The following FTCD variants were observed in gnomAD, a reference collection of about 807,000 sequenced individuals.
FTCD encodes formimidoyltransferase-cyclodeaminase.
In FTCD, 76 loss-of-function variants were observed where a neutral mutation model predicts 62.9. The observed-to-expected ratio is 1.21, with a 90% CI of 1.00 to 1.46. The LOEUF is 1.46. FTCD is among the 40% of genes most tolerant of loss of function. The probability of loss-of-function intolerance (pLI) is 0.00; values close to 1 mark genes in which losing one functional copy is unlikely to be tolerated. For synonymous variants in FTCD, 397 were observed against 336.9 expected (o/e 1.18, Z -1.95); for missense variants, 845 against 751.3 (o/e 1.12, Z -1.46).
chr21:46,151,235 C>T (rs530864141), intron 5 of FTCD, among the ~76,000 whole-genome samples: 46 of 152,288 alleles, frequency 3.0e-4, no homozygotes, highest in African/African-American at 1.1e-3. Flanking sequence ...TGGGGGGCCC[C>T]TGAGGGCACC....
chr21:46,153,209 T>G lies in FTCD; in HGVS notation c.239-174A>C, dbSNP rs115785150. ...GGCCGGCCCTGGGCGCTCCCAGCCCTGCCCCAGCGGCAGCACCAGCCCTCC... is the reference window on the plus strand; with the variant it reads ...GGCCGGCCCTGGGCGCTCCCAGCCCGGCCCCAGCGGCAGCACCAGCCCTCC... On this transcript the variant is annotated intron_variant, in intron 2 of 13. Coordinates refer to ENST00000397746, the MANE Select transcript of FTCD (RefSeq NM_206965.2). 2.0e-5 allele frequency among the ~76,000 whole-genome samples: 3 copies of G among 152,242 alleles called. No homozygotes were observed. In the East Asian group the frequency reaches 5.8e-4, roughly 29 times the overall value.
chr21:46,138,494 C>T lies in FTCD; in HGVS notation c.1443+14G>A. 1 of 1,576,576 alleles carries T rather than the reference C, an allele frequency of 6.3e-7. No homozygotes were observed. The highest frequency in any genetic ancestry group is 8.6e-7 in the Non-Finnish European group (1 of 1,168,300). On this transcript the variant is annotated intron_variant, in intron 12 of 13. Transcript: ENST00000397746. ...TTTGCGGCAGGAGGCCTGGGGTCCCCCGGGCCCCCCTACCTGGAGGTCTGA... is the reference window on the plus strand; with the variant it reads ...TTTGCGGCAGGAGGCCTGGGGTCCCTCGGGCCCCCCTACCTGGAGGTCTGA...
chr21:46,151,932 G>A lies in FTCD; in HGVS notation c.416C>T (p.Pro139Leu), dbSNP rs867925422. Residue 139 changes from proline to leucine, a missense_variant, in exon 4 of 14, where the codon CCG becomes CTG. Pro to Leu is a moderately conservative substitution (Grantham distance 98). Transcript: ENST00000397746. ...AARMDSRRTLPAIRAGEYEAL... is the reference protein window; with the variant it reads ...AARMDSRRTLLAIRAGEYEAL... ...CTCGTACTCCCCGGCCCGGATGGCC[G>A]GCAGGGTCCGGCGACTGTCCATCCT... The A allele has an allele frequency of 3.8e-5, 60 of 1,572,606 alleles. No individual in the cohort carries two copies. Among genetic ancestry groups the A allele is most frequent in the African/African-American group, 6.8e-5 (5 of 73,980 alleles).
intron 10 of FTCD, 144 bp from the exon 11 acceptor site, chr21:46,139,067 GT>G: frequency 1.5e-6 from 1 of 684,862 alleles, no homozygotes; most frequent in Non-Finnish European, 2.7e-6. Context: ...TGGGCCAGTG[GT>G]TTATAGCCCT....
chr21:46,145,312 C>T, intron 10 of FTCD, 105 bp downstream of exon 10: 1 of 966,566 alleles, frequency 1.0e-6, no homozygotes, highest in Non-Finnish European at 1.5e-6. Context: ...CCCTCCTGGT[C>T]CCCAGCCCCT....
At chr21:46,152,490 A>C (rs1360538975) in intron 3 of FTCD, 4 of 198,492 alleles carry the variant, frequency 2.0e-5, no homozygotes, top group Non-Finnish European at 4.1e-5. Flanking sequence ...CGCTGGCGTG[A>C]CTGTGACCTA....
Position 46,151,528 on chromosome 21 carries a change from G to A in FTCD, c.636+30C>T, listed in dbSNP as rs778926274. 1.8e-5 allele frequency: 28 copies of A among 1,592,856 alleles called. No homozygotes were observed. In the South Asian group the frequency reaches 3.0e-4, roughly 17 times the overall value. Reference sequence around the variant, plus strand: ...TAACCCTTTCCCGAGGGGCTGGGTGGGGCTCCATGGGGTCAGTGAACGGGG... The same window carrying A: ...TAACCCTTTCCCGAGGGGCTGGGTGAGGCTCCATGGGGTCAGTGAACGGGG... On this transcript the variant is annotated intron_variant, in intron 5 of 13. Coordinates refer to ENST00000397746, the MANE Select transcript of FTCD (RefSeq NM_206965.2).
At chr21:46,155,427 G>T in intron 1 of FTCD, 43 bp downstream of exon 1, 1 of 1,526,874 alleles carries the variant, frequency 6.5e-7, no homozygotes, top group Non-Finnish European at 9.1e-7. Flanking sequence ...CACTCAAGCT[G>T]CCCCATCAGC....
intron 10 of FTCD, among the ~76,000 whole-genome samples, chr21:46,143,423 C>T (rs912216694): frequency 1.9e-4 from 29 of 151,698 alleles, no homozygotes; most frequent in Non-Finnish European, 3.5e-4. Flanking sequence ...GGCAAGAGAC[C>T]GAGGGCACGA....
intron 7 of FTCD, among the ~76,000 whole-genome samples, chr21:46,149,736 G>A (rs1326611256): frequency 6.6e-6 from 1 of 152,178 alleles, no homozygotes; most frequent in African/African-American, 2.4e-5. Context: ...GCCGCTCCGT[G>A]GATGGGGATC....
chr21:46,142,632 AAGC>A (rs1194673988), intron 10 of FTCD: 1 of 152,266 alleles, frequency 6.6e-6, no homozygotes, highest in African/African-American at 2.4e-5. Context: ...CCCAAAGAGT[AAGC>A]AGCAGCAAGA....
downstream of FTCD, chr21:46,136,689 T>C (rs370458024): frequency 3.3e-5 from 48 of 1,465,220 alleles, no homozygotes; most frequent in African/African-American, 5.4e-4. Flanking sequence ...CTGGCTCCCA[T>C]GGGCCACTGA....
intron 2 of FTCD, among the ~76,000 whole-genome samples, chr21:46,153,891 C>T (rs189743127): frequency 9.8e-5 from 15 of 152,296 alleles, no homozygotes; most frequent in Admixed American, 9.8e-4. Flanking sequence ...GGCCCCCTCC[C>T]CCCACCCAGC....
At chr21:46,155,346 G>T (rs116882059) in intron 1 of FTCD, 124 bp downstream of exon 1, 3 of 804,606 alleles carry the variant, frequency 3.7e-6, no homozygotes, top group African/African-American at 3.4e-5. Flanking sequence ...CACGGGCAGC[G>T]GCTCTGCCCA....
chr21:46,147,605 A>G (rs1301252042), intron 7 of FTCD, among the ~76,000 whole-genome samples: 1 of 152,138 alleles, frequency 6.6e-6, no homozygotes, highest in Non-Finnish European at 1.5e-5. Flanking sequence ...GCACAGCCAG[A>G]CCTGTGCAGG....
chr21:46,138,795 C>T (rs1307904408), intron 11 of FTCD, 85 bp downstream of exon 11: 74 of 1,434,614 alleles, frequency 5.2e-5, no homozygotes, highest in East Asian at 2.7e-4. Flanking sequence ...AACCACGCCC[C>T]GTCACAGCAC....
Position 46,138,882 on chromosome 21 carries a change from G to T in FTCD, c.1302C>A (p.Asp434Glu). The T allele has an allele frequency of 6.2e-7, 1 of 1,612,138 alleles. No individual in the cohort carries two copies. Among genetic ancestry groups the T allele is most frequent in the Non-Finnish European group, 8.5e-7 (1 of 1,178,358 alleles). The change falls in exon 11 of 14, where the codon GAC (aspartate) becomes GAA (glutamate). Residue 434 changes from aspartate to glutamate, a missense_variant and splice_region_variant. Transcript: ENST00000397746. ...RLPKNTPEEK[D>E]RRTAALQEGL... ...TGCGGCCGGCCCTCCAGGCTCACCT[G>T]TCCTTTTCCTCAGGTGTGTTCTTGG...
In FTCD at chr21:46,154,318, G is replaced by T. The variant is rs1459436864; in HGVS notation, c.69C>A (p.Ile23=). The stretch of plus-strand genomic sequence containing the variant: ...CCGGGGTCTGTGTGATGGCTCCAGA[G>T]ATGGCGTCGATCACCTGGGACACAG... ...EGKNQEVIDA[I]SGAITQTPGC... Residue 23 remains isoleucine (I), a synonymous_variant, in exon 2 of 14, where the codon ATC becomes ATA. Transcript: ENST00000397746. 1.2e-6 allele frequency: 2 copies of T among 1,610,458 alleles called. No individual in the cohort carries two copies. The highest frequency in any genetic ancestry group is 1.7e-6 in the Non-Finnish European group (2 of 1,179,460).
At chr21:46,153,276 G>A (rs746301113) in intron 2 of FTCD, among the ~76,000 whole-genome samples, 2 of 152,170 alleles carry the variant, frequency 1.3e-5, no homozygotes, top group African/African-American at 4.8e-5. Flanking sequence ...CAGCCAGTGT[G>A]GGGGAGGTCC....
Sources: gnomAD v4.1 joint callset for allele counts (sites outside exome capture counted in the v4.1 genomes callset) on GRCh38, gnomAD v4.1.1 for gene constraint, MANE v1.5 for transcripts, NCBI Gene and HGNC (gene_info 2026-07-23, HGNC 2026-07-21) for gene names.